The following BTRC variants were observed in gnomAD, a reference collection of about 807,000 sequenced individuals.
BTRC encodes the protein F-box/WD repeat-containing protein 1A.
A neutral mutation model predicts 85.5 loss-of-function variants in BTRC; 42 were observed. The ratio of observed to expected loss-of-function variants is 0.49; its 90% confidence interval spans 0.38 to 0.64. The LOEUF is 0.64. BTRC is among the 30% of genes least tolerant of loss of function. The pLI, the probability that BTRC is intolerant of heterozygous loss-of-function variation, is 0.00. For synonymous variants in BTRC, 255 were observed against 263.3 expected (o/e 0.97, Z 0.30); for missense variants, 594 against 743.5 (o/e 0.80, Z 2.34).
At chr10:101,426,069 A>G (rs1944243993) in intron 1 of BTRC, among the ~76,000 whole-genome samples, 1 of 152,144 alleles carries the variant, frequency 6.6e-6, no homozygotes, top group South Asian at 2.1e-4. Context: ...TAGTAACCAA[A>G]ATGACAGTCC....
intron 1 of BTRC, among the ~76,000 whole-genome samples, chr10:101,356,160 G>A (rs980638683): frequency 1.3e-5 from 2 of 152,246 alleles, no homozygotes; most frequent in South Asian, 2.1e-4. Flanking sequence ...GGGCCACCAC[G>A]CCCATCTAAT....
chr10:101,429,252 T>C (rs1336898365), intron 1 of BTRC, among the ~76,000 whole-genome samples: 1 of 152,160 alleles, frequency 6.6e-6, no homozygotes, highest in Non-Finnish European at 1.5e-5. Context: ...CCTGGGATAC[T>C]TTTAGAGAAA....
intron 4 of BTRC, among the ~76,000 whole-genome samples, chr10:101,503,940 G>A (rs929928872): frequency 6.6e-6 from 1 of 152,092 alleles, no homozygotes; most frequent in Non-Finnish European, 1.5e-5. Context: ...ATTTAAACCC[G>A]ACTGTATTTT....
chr10:101,385,632 T>TTTTTG (rs1288309804), intron 1 of BTRC, among the ~76,000 whole-genome samples: 1 of 143,948 alleles, frequency 6.9e-6, no homozygotes, highest in African/African-American at 2.6e-5. Flanking sequence ...TTTTTTTTTT[T>TTTTTG]TGTGTGTTCT....
At chr10:101,396,460 G>A (rs943462312) in intron 1 of BTRC, among the ~76,000 whole-genome samples, 22 of 147,650 alleles carry the variant, frequency 1.5e-4, no homozygotes, top group Non-Finnish European at 3.1e-4. Flanking sequence ...TGCCCAGGCT[G>A]GTCTCGAGCG....
rs376924664 is a variant in BTRC, at chr10:101,550,648, A to G, written c.1657-51A>G. ...TGACATGTTGCTGAATTTGTGTCCT[A>G]TTGATTTTGAGTAGTTCAAGTTCCT... On this transcript the variant is annotated intron_variant, in intron 13 of 14. Transcript: ENST00000370187. 3.8e-5 allele frequency: 59 copies of G among 1,563,276 alleles called. No individual in the cohort carries two copies. In the Middle Eastern group the frequency reaches 7.1e-4, roughly 19 times the overall value.
At chr10:101,408,413 CCT>C (rs1469480007) in intron 1 of BTRC, among the ~76,000 whole-genome samples, 1 of 152,008 alleles carries the variant, frequency 6.6e-6, no homozygotes, top group African/African-American at 2.4e-5. Context: ...CTCAAGTGAT[CCT>C]CTCATCTCAG....
intron 4 of BTRC, among the ~76,000 whole-genome samples, chr10:101,495,582 G>A (rs1229650240): frequency 1.3e-5 from 2 of 152,178 alleles, no homozygotes; most frequent in Admixed American, 6.5e-5. Context: ...GTCTGTATGT[G>A]GCCATAGGTT....
chr10:101,369,186 T>C (rs1942563298), intron 1 of BTRC, among the ~76,000 whole-genome samples: 1 of 152,078 alleles, frequency 6.6e-6, no homozygotes, highest in South Asian at 2.1e-4. Context: ...TTTATTCAAG[T>C]CTTGGCCTTT....
chr10:101,522,428 T>G (rs1246853995), intron 5 of BTRC, among the ~76,000 whole-genome samples: 1 of 103,320 alleles, frequency 9.7e-6, no homozygotes, highest in Non-Finnish European at 2.0e-5. Flanking sequence ...TTTTTTTTTT[T>G]TTTTTTTTTG....
chr10:101,452,647 C>CT (rs984805116), intron 2 of BTRC, among the ~76,000 whole-genome samples: 1 of 152,072 alleles, frequency 6.6e-6, no homozygotes, highest in African/African-American at 2.4e-5. Flanking sequence ...TGGAAGTCCT[C>CT]TTTGGTTGTC....
rs2062188197 is a variant in BTRC at position 101,526,163 on chromosome 10, A to G, written c.707A>G (p.Asp236Gly). The G allele has an allele frequency of 1.2e-6, 2 of 1,614,042 alleles. No individual in the cohort carries two copies. Among genetic ancestry groups the G allele is most frequent in the African/African-American group, 1.3e-5 (1 of 74,926 alleles). ...KKLIERMVRTDSLWRGLAERR... is the reference protein window; with the variant it reads ...KKLIERMVRTGSLWRGLAERR... The stretch of plus-strand genomic sequence containing the variant: ...CTTATCGAGAGAATGGTCAGGACAG[A>G]TTCTCTGTGGAGAGGCCTGGCAGAA... Residue 236 changes from aspartate to glycine, a missense_variant, in exon 6 of 15, where the codon GAT (aspartate) becomes GGT (glycine). Transcript: ENST00000370187.
At chr10:101,365,441 CTTTAA>C (rs1291571281) in intron 1 of BTRC, among the ~76,000 whole-genome samples, 4 of 149,838 alleles carry the variant, frequency 2.7e-5, no homozygotes, top group Non-Finnish European at 5.9e-5. Flanking sequence ...TATTTCTTTT[CTTTAA>C]TTCTTTTTCT....
intron 2 of BTRC, among the ~76,000 whole-genome samples, chr10:101,431,550 C>T (rs2134084574): frequency 6.6e-6 from 1 of 152,286 alleles, no homozygotes; most frequent in East Asian, 1.9e-4. Flanking sequence ...CTGCGTACCT[C>T]AGGTATTTGG....
intron 4 of BTRC, among the ~76,000 whole-genome samples, chr10:101,480,205 C>A (rs1253491139): frequency 2.6e-5 from 4 of 152,114 alleles, no homozygotes; most frequent in Non-Finnish European, 4.4e-5. Context: ...GCTACTGTTA[C>A]AACATTCCCA....
intron 2 of BTRC, among the ~76,000 whole-genome samples, chr10:101,431,568 GT>G (rs1944406021): frequency 6.6e-6 from 1 of 152,132 alleles, no homozygotes; most frequent in South Asian, 2.1e-4. Context: ...TGGAATTTGT[GT>G]TTAGCATTTT....
chr10:101,383,562 C>T lies in BTRC; in HGVS notation c.48+29334C>T, dbSNP rs147058886. On this transcript the variant is annotated intron_variant, in intron 1 of 14. Coordinates refer to ENST00000370187, the MANE Select transcript of BTRC (RefSeq NM_033637.4). Reference sequence around the variant, plus strand: ...CTTTCCAGGCTGGAGTGCAGTGGTTCGATCCTAGCTTATTGCAACTTTGAA... The same window carrying T: ...CTTTCCAGGCTGGAGTGCAGTGGTTTGATCCTAGCTTATTGCAACTTTGAA... Among the ~76,000 whole-genome samples the T allele has an allele frequency of 8.8e-4, 134 of 151,946 alleles. 2 individuals are homozygous for T. Among genetic ancestry groups the T allele is most frequent in the African/African-American group, 3.0e-3 (125 of 41,424 alleles).
intron 4 of BTRC, among the ~76,000 whole-genome samples, chr10:101,483,234 A>C (rs2134236683): frequency 6.6e-6 from 1 of 152,296 alleles, no homozygotes; most frequent in Non-Finnish European, 1.5e-5. Flanking sequence ...AACAAATTAC[A>C]ACCACCCTAA....
intron 1 of BTRC, among the ~76,000 whole-genome samples, chr10:101,367,751 A>C (rs932320192): frequency 1.1e-4 from 17 of 152,196 alleles, no homozygotes; most frequent in African/African-American, 4.1e-4. Context: ...TGTTCGTAAG[A>C]TGATTCATTC....
Sources: allele counts gnomAD v4.1 joint callset (sites outside exome capture counted in the v4.1 genomes callset), GRCh38; gene constraint gnomAD v4.1.1; transcripts MANE v1.5; gene names NCBI Gene and HGNC (gene_info 2026-07-23, HGNC 2026-07-21).